Variants in WDR70 observed in about 807,000 individuals in gnomAD.
WDR70 encodes the protein WD repeat domain 70.
Under a neutral mutation model 88.6 loss-of-function variants are expected in WDR70, and 53 were observed. The ratio of observed to expected loss-of-function variants is 0.60; its 90% confidence interval spans 0.48 to 0.75. The LOEUF (loss-of-function observed/expected upper bound fraction) is 0.75. WDR70 is among the 30% of genes least tolerant of loss of function. The pLI is 0.00. For missense variants in WDR70, 610 were observed against 823.2 expected, an observed-to-expected ratio of 0.74 and a Z score of 3.17; for synonymous variants, 280 against 270.0, an observed-to-expected ratio of 1.04 and a Z score of -0.36.
intron 8 of WDR70, chr5:37,506,911 C>T: frequency 3.3e-6 from 3 of 900,680 alleles, no homozygotes; most frequent in South Asian, 1.3e-5. Flanking sequence ...ACTTGGTCCT[C>T]CTCCCACCTT....
chr5:37,678,603 T>C (rs1176315719), intron 10 of WDR70, among the ~76,000 whole-genome samples: 3 of 151,890 alleles, frequency 2.0e-5, no homozygotes, highest in African/African-American at 4.8e-5. Flanking sequence ...AGAGATCCGC[T>C]GTTAGTCTGA....
intron 4 of WDR70, 27 bp from the exon 5 acceptor site, chr5:37,396,348 A>C: frequency 6.3e-7 from 1 of 1,578,462 alleles, no homozygotes; most frequent in Non-Finnish European, 8.6e-7. Flanking sequence ...CAGCAGAGGC[A>C]AAGAGTTTCT....
At chr5:37,688,978 GCCCAAATACTGCACTTTT>G (rs2112632347) in intron 10 of WDR70, among the ~76,000 whole-genome samples, 1 of 152,274 alleles carries the variant, frequency 6.6e-6, no homozygotes, top group East Asian at 1.9e-4. Flanking sequence ...AGACACTGCT[GCCCAAATACTGCACTTTT>G]CCCAAGGTCT....
intron 5 of WDR70, among the ~76,000 whole-genome samples, chr5:37,422,877 C>G (rs189026918): frequency 6.6e-6 from 1 of 152,144 alleles, no homozygotes; most frequent in Non-Finnish European, 1.5e-5. Flanking sequence ...ATCTGCCCGC[C>G]TCAGCCTCCC....
chr5:37,456,690 G>A (rs10941335), intron 7 of WDR70, among the ~76,000 whole-genome samples: 148,257 of 152,286 alleles, frequency 0.97, 72,306 homozygotes, highest in East Asian at 1. Flanking sequence ...ACATAACAAA[G>A]CAGCATGAAT....
At chr5:37,706,295 A>ATT (rs1747318847) in intron 13 of WDR70, among the ~76,000 whole-genome samples, 1 of 152,172 alleles carries the variant, frequency 6.6e-6, no homozygotes, top group Non-Finnish European at 1.5e-5. Flanking sequence ...GTTTGCACGC[A>ATT]TTTTACAATT....
chr5:37,660,100 G>A, intron 10 of WDR70, among the ~76,000 whole-genome samples: 1 of 152,174 alleles, frequency 6.6e-6, no homozygotes, highest in Non-Finnish European at 1.5e-5. Flanking sequence ...TCTGTTGATT[G>A]TTAATTAATC....
At chr5:37,504,233 A>G (rs1367253681) in intron 8 of WDR70, among the ~76,000 whole-genome samples, 2 of 152,132 alleles carry the variant, frequency 1.3e-5, no homozygotes, top group Non-Finnish European at 2.9e-5. Flanking sequence ...ATTAAATATC[A>G]ATAGTTGATG....
chr5:37,424,148 C>CAAA (rs11304949), intron 5 of WDR70, among the ~76,000 whole-genome samples: 16 of 55,504 alleles, frequency 2.9e-4, no homozygotes, highest in Admixed American at 3.2e-4. Context: ...GACTCCATCT[C>CAAA]AAAAAAAAAA....
intron 9 of WDR70, among the ~76,000 whole-genome samples, chr5:37,579,233 A>T (rs1315906801): frequency 6.6e-6 from 1 of 152,198 alleles, no homozygotes; most frequent in African/African-American, 2.4e-5. Context: ...GAGAGAAGGA[A>T]GAAAGGAAAT....
chr5:37,738,622 G>T (rs1748376144), intron 17 of WDR70, among the ~76,000 whole-genome samples: 2 of 152,166 alleles, frequency 1.3e-5, no homozygotes, highest in Non-Finnish European at 2.9e-5. Context: ...TTAGAAGATT[G>T]CAGAGGGACT....
At chr5:37,564,925 A>T (rs1003602075) in intron 9 of WDR70, among the ~76,000 whole-genome samples, 2 of 152,160 alleles carry the variant, frequency 1.3e-5, no homozygotes, top group East Asian at 3.8e-4. Flanking sequence ...TTTTCTAGTT[A>T]TTTTATTTCA....
chr5:37,470,657 T>C (rs1368457601), intron 7 of WDR70, among the ~76,000 whole-genome samples: 2 of 152,244 alleles, frequency 1.3e-5, no homozygotes, highest in Non-Finnish European at 2.9e-5. Context: ...AGCAGAAATT[T>C]GTACATTTCA....
In WDR70 at chr5:37,716,370, T is replaced by A. The variant is rs543543872; in HGVS notation, c.1417-4745T>A. 3.5e-4 allele frequency among the ~76,000 whole-genome samples: 53 copies of A among 152,274 alleles called. 1 individual carries two copies. The South Asian group carries it at 4.4e-3, about 13-fold the overall frequency. On this transcript the variant is annotated intron_variant, in intron 13 of 17. Coordinates refer to ENST00000265107, the MANE Select transcript of WDR70 (RefSeq NM_018034.4). Reference sequence around the variant, plus strand: ...GTGAACTGGGAACTAGTGGGCTTTTTAAAAAAATGATTTTAGTAATAACTC... The same window carrying A: ...GTGAACTGGGAACTAGTGGGCTTTTAAAAAAAATGATTTTAGTAATAACTC...
At chr5:37,435,704 T>C (rs1750446232) in intron 5 of WDR70, among the ~76,000 whole-genome samples, 1 of 152,244 alleles carries the variant, frequency 6.6e-6, no homozygotes, top group Admixed American at 6.5e-5. Context: ...AAATCTTAGT[T>C]ATCTCTTGCC....
chr5:37,602,750 G>A (rs1338774015), intron 9 of WDR70, among the ~76,000 whole-genome samples: 6 of 151,974 alleles, frequency 3.9e-5, no homozygotes, highest in Admixed American at 1.3e-4. Flanking sequence ...AGGCCGAAGC[G>A]GGTGGATCAC....
At chr5:37,534,310 A>C (rs1180831618) in intron 9 of WDR70, among the ~76,000 whole-genome samples, 3 of 152,186 alleles carry the variant, frequency 2.0e-5, no homozygotes, top group Non-Finnish European at 2.9e-5. Context: ...ATTTAACTGT[A>C]TTAATTCTCT....
chr5:37,731,906 C>T (rs1748156086), intron 17 of WDR70, among the ~76,000 whole-genome samples: 1 of 152,084 alleles, frequency 6.6e-6, no homozygotes, highest in African/African-American at 2.4e-5. Flanking sequence ...ACTTTTAAAA[C>T]CTGCTGGATA....
chr5:37,464,450 A>G (rs1739099070), intron 7 of WDR70, among the ~76,000 whole-genome samples: 1 of 152,252 alleles, frequency 6.6e-6, no homozygotes, highest in Non-Finnish European at 1.5e-5. Context: ...TAATTTGAAC[A>G]AGGAAAGATC....
Sources: allele counts gnomAD v4.1 joint callset (sites outside exome capture counted in the v4.1 genomes callset), GRCh38; gene constraint gnomAD v4.1.1; transcripts MANE v1.5; gene names NCBI Gene and HGNC (gene_info 2026-07-23, HGNC 2026-07-21).